The following HYCC2 variants were observed in gnomAD, a reference collection of about 807,000 sequenced individuals.
HYCC2 encodes hyccin PI4KA lipid kinase complex subunit 2.
chr2:200,993,166 G>A, the HYCC2 span, among the ~76,000 whole-genome samples: 1 of 152,160 alleles, frequency 6.6e-6, no homozygotes. Context: ...GTTGTGAACA[G>A]GTGAAAGATA....
the HYCC2 span, chr2:200,992,520 G>C: frequency 1.5e-6 from 1 of 654,736 alleles, no homozygotes; most frequent in Non-Finnish European, 2.8e-6. Context: ...CCCACTTTTG[G>C]TTATAAAAAC....
the HYCC2 span, among the ~76,000 whole-genome samples, chr2:201,047,788 G>A: frequency 7.1e-6 from 1 of 140,362 alleles, no homozygotes; most frequent in Non-Finnish European, 1.5e-5. Context: ...AAATATAATA[G>A]AATAACACTG....
chr2:200,986,732 G>T, the HYCC2 span, among the ~76,000 whole-genome samples: 1 of 152,062 alleles, frequency 6.6e-6, no homozygotes. Flanking sequence ...AATGTACTGT[G>T]CATCAGGATA....
At chr2:201,002,315 T>C in the HYCC2 span, among the ~76,000 whole-genome samples, 8 of 148,272 alleles carry the variant, frequency 5.4e-5, no homozygotes, top group African/African-American at 2.0e-4. Flanking sequence ...GACATGAATA[T>C]GCAGTTCATA....
At chr2:201,049,443 G>A in the HYCC2 span, among the ~76,000 whole-genome samples, 1,717 of 151,824 alleles carry the variant, frequency 0.011, 17 homozygotes, top group Non-Finnish European at 0.017. Context: ...TCCGCCTCCC[G>A]GGGTTCAAAA....
the HYCC2 span, among the ~76,000 whole-genome samples, chr2:201,038,956 A>G: frequency 6.6e-6 from 1 of 152,098 alleles, no homozygotes; most frequent in Non-Finnish European, 1.5e-5. Context: ...CTAAAAGACA[A>G]GCGTATAAGG....
At chr2:201,050,209 G>T in the HYCC2 span, among the ~76,000 whole-genome samples, 1 of 147,164 alleles carries the variant, frequency 6.8e-6, no homozygotes, top group African/African-American at 2.5e-5. Flanking sequence ...GTGACACCCT[G>T]TCTCAAAAAA....
At chr2:201,012,076 T>A in the HYCC2 span, among the ~76,000 whole-genome samples, 1 of 152,188 alleles carries the variant, frequency 6.6e-6, no homozygotes, top group Non-Finnish European at 1.5e-5. Context: ...CCTTTTTTTT[T>A]AAATGGTGAG....
At chr2:201,056,732 G>A in the HYCC2 span, among the ~76,000 whole-genome samples, 63 of 151,630 alleles carry the variant, frequency 4.2e-4, no homozygotes, top group African/African-American at 1.2e-4. Context: ...CAGCAAATTC[G>A]GTGGTATTCA....
chr2:201,025,939 G>C, the HYCC2 span, among the ~76,000 whole-genome samples: 4 of 152,252 alleles, frequency 2.6e-5, no homozygotes, highest in South Asian at 8.3e-4. Flanking sequence ...CTAATATCAT[G>C]ATAGGATCAA....
At chr2:201,043,129 C>T in the HYCC2 span, among the ~76,000 whole-genome samples, 404 of 152,024 alleles carry the variant, frequency 2.7e-3, 1 homozygote, top group Non-Finnish European at 4.8e-3. Context: ...ATAACCTTAC[C>T]CCCAACCCCG....
the HYCC2 span, among the ~76,000 whole-genome samples, chr2:201,035,755 G>C: frequency 3.9e-5 from 6 of 152,132 alleles, no homozygotes; most frequent in Non-Finnish European, 5.9e-5. Context: ...GGTCTTTGAT[G>C]ATGGTGACGT....
chr2:201,005,389 C>T, the HYCC2 span, among the ~76,000 whole-genome samples: 7 of 152,036 alleles, frequency 4.6e-5, no homozygotes, highest in Non-Finnish European at 7.4e-5. Flanking sequence ...ACTTTTTTCC[C>T]GTCTTTTCCA....
chr2:201,059,961 T>C, the HYCC2 span, among the ~76,000 whole-genome samples: 3 of 149,946 alleles, frequency 2.0e-5, no homozygotes, highest in Non-Finnish European at 4.4e-5. Flanking sequence ...GGAGAATCAC[T>C]TGAACCCGGG....
the HYCC2 span, among the ~76,000 whole-genome samples, chr2:201,016,224 T>C: frequency 6.6e-6 from 1 of 152,204 alleles, no homozygotes; most frequent in Non-Finnish European, 1.5e-5. Context: ...AAAAAATGCA[T>C]TATCAATATC....
the HYCC2 span, chr2:201,022,859 T>C: frequency 2.5e-6 from 4 of 1,611,832 alleles, no homozygotes; most frequent in East Asian, 2.2e-5. Flanking sequence ...AATAACTTTA[T>C]AGAGGGCTGG....
chr2:201,015,592 T>C, the HYCC2 span, among the ~76,000 whole-genome samples: 1 of 152,140 alleles, frequency 6.6e-6, no homozygotes. Flanking sequence ...TTCAAAAGTC[T>C]CTCTGCACAC....
At chr2:201,063,987 G>A in the HYCC2 span, 31 of 1,597,586 alleles carry the variant, frequency 1.9e-5, no homozygotes, top group African/African-American at 4.0e-5. Flanking sequence ...GCAAAACCAC[G>A]AAACTAAGGT....
the HYCC2 span, chr2:200,975,512 A>C: frequency 5.9e-5 from 9 of 152,150 alleles, no homozygotes; most frequent in African/African-American, 2.2e-4. Flanking sequence ...ACTCATTTAT[A>C]CTCTAAGCTA....
Sources: allele counts gnomAD v4.1 joint callset (sites outside exome capture counted in the v4.1 genomes callset), GRCh38; gene constraint gnomAD v4.1.1; transcripts MANE v1.5; gene names NCBI Gene and HGNC (gene_info 2026-07-23, HGNC 2026-07-21).